The following SLC12A8 variants were observed in gnomAD, a reference collection of about 807,000 sequenced individuals.
The protein encoded by SLC12A8 is cation-chloride cotransporter 9.
In SLC12A8, 69 loss-of-function variants were observed where a neutral mutation model predicts 75.6. The ratio of observed to expected loss-of-function variants is 0.91; its 90% CI spans 0.75 to 1.11. The LOEUF (loss-of-function observed/expected upper bound fraction) is 1.11, where lower values mean the gene tolerates loss of function less well. SLC12A8 is among the 50% of genes most tolerant of loss of function. The pLI is 0.00. For synonymous variants in SLC12A8, 365 were observed against 372.8 expected (o/e 0.98, Z 0.24); for missense variants, 877 against 896.7 (o/e 0.98, Z 0.28).
chr3:125,088,091 G>A (rs1938504199), intron 13 of SLC12A8: 3 of 563,850 alleles, frequency 5.3e-6, no homozygotes, highest in Non-Finnish European at 3.2e-6. Context: ...GAAGGGAAGA[G>A]GACATGAGCC....
Position 125,083,752 on chromosome 3 carries a change from A to T in SLC12A8, c.*138T>A. On this transcript the variant is annotated 3_prime_UTR_variant, in exon 14 of 14. Coordinates refer to ENST00000469902, the MANE Select transcript of SLC12A8 (RefSeq NM_024628.6). ...AAAAAAAAAAGGGAAAAGAAAATGTAGATTTCCATTGTCCAAAGTGACAGC... is the reference window on the plus strand; with the variant it reads ...AAAAAAAAAAGGGAAAAGAAAATGTTGATTTCCATTGTCCAAAGTGACAGC... 3 of 803,914 alleles carry T rather than the reference A, an allele frequency of 3.7e-6. No individual in the cohort carries two copies. Among genetic ancestry groups the T allele is most frequent in the Non-Finnish European group, 5.6e-6 (3 of 536,614 alleles). The allele number at this position is 803,914 out of a possible 1,614,324, so 49.8% of individuals were successfully genotyped here.
At chr3:125,159,974 T>C (rs1178023715) in intron 5 of SLC12A8, among the ~76,000 whole-genome samples, 1 of 152,222 alleles carries the variant, frequency 6.6e-6, no homozygotes, top group Non-Finnish European at 1.5e-5. Flanking sequence ...CTTTCTTTTT[T>C]AGGGTCAGGG....
chr3:125,134,402 G>A (rs980625836), intron 6 of SLC12A8, among the ~76,000 whole-genome samples: 10 of 152,120 alleles, frequency 6.6e-5, no homozygotes, highest in African/African-American at 2.2e-4. Context: ...GAGCCACCAC[G>A]CCTGACCAGT....
chr3:125,085,911 CT>C (rs56062741), intron 13 of SLC12A8, among the ~76,000 whole-genome samples: 38,838 of 145,888 alleles, frequency 0.27, 5,278 homozygotes, highest in Non-Finnish European at 0.3. Context: ...ATTTTTTTTT[CT>C]TTTTTTTTTT....
At chr3:125,116,016 C>T (rs1939302480) in intron 8 of SLC12A8, among the ~76,000 whole-genome samples, 1 of 152,202 alleles carries the variant, frequency 6.6e-6, no homozygotes, top group Non-Finnish European at 1.5e-5. Flanking sequence ...CTCCCATTCT[C>T]CAGGTACTGC....
At chr3:125,179,733 A>AGAGAGAGAGAGAGAGAG (rs1560077720) in intron 4 of SLC12A8, among the ~76,000 whole-genome samples, 1 of 134,982 alleles carries the variant, frequency 7.4e-6, no homozygotes, top group African/African-American at 3.0e-5. Flanking sequence ...GAGAGAGAGA[A>AGAGAGAGAGAGAGAGAG]AGAGAAAGAC....
intron 10 of SLC12A8, among the ~76,000 whole-genome samples, chr3:125,106,422 T>G (rs816144): frequency 0.89 from 135,421 of 151,808 alleles, 60,487 homozygotes; most frequent in Middle Eastern, 0.95. Flanking sequence ...GAGTGCAGTG[T>G]CATGATCTTG....
chr3:125,088,584 G>A (rs1182856427), intron 12 of SLC12A8, among the ~76,000 whole-genome samples: 2 of 152,246 alleles, frequency 1.3e-5, no homozygotes, highest in East Asian at 3.8e-4. Flanking sequence ...TCCTTCAAAA[G>A]TTTATTTCCA....
At chr3:125,176,357 C>A (rs1934527629) in intron 5 of SLC12A8, among the ~76,000 whole-genome samples, 1 of 152,156 alleles carries the variant, frequency 6.6e-6, no homozygotes, top group South Asian at 2.1e-4. Context: ...AGGCATGAGC[C>A]ACTGTGCCTG....
intron 5 of SLC12A8, among the ~76,000 whole-genome samples, chr3:125,174,073 C>A (rs975835656): frequency 6.6e-6 from 1 of 152,280 alleles, no homozygotes; most frequent in South Asian, 2.1e-4. Context: ...GCCTGGGTGA[C>A]AGAACAAGAC....
chr3:125,089,099 A>C (rs1017482261), intron 12 of SLC12A8, among the ~76,000 whole-genome samples: 1 of 152,246 alleles, frequency 6.6e-6, no homozygotes, highest in African/African-American at 2.4e-5. Flanking sequence ...TATGATTGAA[A>C]ATTGATTGAT....
chr3:125,095,699 C>G (rs1348589931), intron 10 of SLC12A8, among the ~76,000 whole-genome samples: 1 of 152,212 alleles, frequency 6.6e-6, no homozygotes, highest in African/African-American at 2.4e-5. Flanking sequence ...GTAACTCAGT[C>G]TTGATTCTTC....
intron 5 of SLC12A8, among the ~76,000 whole-genome samples, chr3:125,139,617 A>G (rs1933578140): frequency 6.6e-6 from 1 of 152,094 alleles, no homozygotes; most frequent in African/African-American, 2.4e-5. Flanking sequence ...GCCCACCCAG[A>G]CCTCAGGCAT....
At chr3:125,130,591 TAAAAAAAAGAAAAAGA>T (rs1933326853) in intron 6 of SLC12A8, among the ~76,000 whole-genome samples, 1 of 55,814 alleles carries the variant, frequency 1.8e-5, no homozygotes, top group Non-Finnish European at 5.2e-5. Context: ...GACCCTGTCT[TAAAAAAAAGAAAAAGA>T]AAAAGAAAAA....
At chr3:125,163,194 A>T (rs904661608) in intron 5 of SLC12A8, among the ~76,000 whole-genome samples, 2 of 152,100 alleles carry the variant, frequency 1.3e-5, no homozygotes, top group Admixed American at 6.5e-5. Flanking sequence ...GCTACTCAGG[A>T]GGCTGACAAG....
At chr3:125,086,129 G>A (rs942534409) in intron 13 of SLC12A8, among the ~76,000 whole-genome samples, 3 of 152,052 alleles carry the variant, frequency 2.0e-5, no homozygotes, top group Non-Finnish European at 4.4e-5. Flanking sequence ...TGATCTACCC[G>A]CCTCAGCCTC....
chr3:125,148,045 G>T (rs944827592), intron 5 of SLC12A8, among the ~76,000 whole-genome samples: 1 of 152,222 alleles, frequency 6.6e-6, no homozygotes, highest in African/African-American at 2.4e-5. Context: ...AAAGAGAGCA[G>T]GTCAGAGAGG....
intron 6 of SLC12A8, among the ~76,000 whole-genome samples, chr3:125,125,387 G>A (rs372097845): frequency 2.7e-4 from 41 of 152,014 alleles, no homozygotes; most frequent in East Asian, 1.9e-3. Context: ...GTGAAACCCC[G>A]CGTCTACTAA....
intron 6 of SLC12A8, among the ~76,000 whole-genome samples, chr3:125,126,228 T>C (rs531110324): frequency 4.7e-4 from 72 of 152,194 alleles, no homozygotes; most frequent in Non-Finnish European, 9.4e-4. Flanking sequence ...AGCCATCACT[T>C]GACCAGCTTA....
Sources: gnomAD v4.1 joint callset for allele counts (sites outside exome capture counted in the v4.1 genomes callset) on GRCh38, gnomAD v4.1.1 for gene constraint, MANE v1.5 for transcripts, NCBI Gene and HGNC (gene_info 2026-07-23, HGNC 2026-07-21) for gene names.